Variants in VPS13A observed in about 807,000 individuals in gnomAD.
VPS13A encodes the protein intermembrane lipid transfer protein VPS13A.
VPS13A carries 264 observed loss-of-function variants against 390.9 expected under a neutral mutation model. The ratio of observed to expected loss-of-function variants is 0.68; its 90% CI spans 0.61 to 0.75. The LOEUF (loss-of-function observed/expected upper bound fraction) is 0.75. VPS13A is among the 30% of genes least tolerant of loss of function. VPS13A has a pLI of 0.00. For synonymous variants in VPS13A, 1,231 were observed against 1,227.1 expected, an observed-to-expected ratio of 1.00 and a Z score of -0.07; for missense variants, 3,409 against 3,733.9, an observed-to-expected ratio of 0.91 and a Z score of 2.27.
chr9:77,379,065 C>CTTTTTTT lies in VPS13A; in HGVS notation c.9078-2893_9078-2887dup, dbSNP rs71503211. Among the ~76,000 whole-genome samples the CTTTTTTT allele has an allele frequency of 5.1e-4, 37 of 72,410 alleles. 2 individuals are homozygous for CTTTTTTT. The highest frequency in any genetic ancestry group is 7.8e-4 in the African/African-American group (13 of 16,682). The allele number at this position is 72,410 out of a possible 152,430, so 47.5% of individuals were successfully genotyped here. ...GTATCATACTTGTATATTTTCAGTC[C>CTTTTTTT]TTTTTTTTTTTTTTTTTTTTTTTTG... is the stretch of plus-strand genomic sequence containing the variant. On this transcript the variant is annotated intron_variant, in intron 67 of 71. Transcript: ENST00000360280.
chr9:77,352,700 A>G (rs1042016433), intron 53 of VPS13A, among the ~76,000 whole-genome samples: 3 of 152,152 alleles, frequency 2.0e-5, no homozygotes, highest in African/African-American at 7.2e-5. Flanking sequence ...ATACATATAT[A>G]TACTTAGAAA....
Position 77,353,437 on chromosome 9 carries a change from A to G in VPS13A, c.7448A>G (p.Glu2483Gly), listed in dbSNP as rs749586115. 2.5e-5 allele frequency: 40 copies of G among 1,600,982 alleles called. No individual in the cohort carries two copies. Among genetic ancestry groups the G allele is most frequent in the Non-Finnish European group, 3.3e-5 (39 of 1,175,614 alleles). Residue 2483 changes from glutamate to glycine, a missense_variant, in exon 54 of 72, where the codon GAA (glutamate) becomes GGA (glycine). This residue lies in a region of VPS13A where 2,717 missense variants were observed against 2,917.4 expected (regional missense o/e 0.93). Transcript: ENST00000360280. ...DDMMMPIDLG[E>G]KTIYLVSFFE... Reference sequence around the variant, plus strand: ...ATGATGATGCCTATAGATTTGGGGGAAAAGACAATATATTTAGTTTCATTC... The same window carrying G: ...ATGATGATGCCTATAGATTTGGGGGGAAAGACAATATATTTAGTTTCATTC...
At chr9:77,282,384 G>C in intron 29 of VPS13A, 110 bp downstream of exon 29, 1 of 1,028,198 alleles carries the variant, frequency 9.7e-7, no homozygotes, top group Admixed American at 2.6e-5. Context: ...TCAGAATTCT[G>C]TTGCCTAGGT....
chr9:77,193,345 A>G (rs1824795162), intron 1 of VPS13A, among the ~76,000 whole-genome samples: 1 of 152,146 alleles, frequency 6.6e-6, no homozygotes. Flanking sequence ...ATTAAGAACC[A>G]TCACTAGGCT....
intron 23 of VPS13A, among the ~76,000 whole-genome samples, chr9:77,272,090 C>T (rs1826383583): frequency 6.6e-6 from 1 of 152,080 alleles, no homozygotes; most frequent in African/African-American, 2.4e-5. Flanking sequence ...AGCAGAATTT[C>T]ACAGAATGGC....
intron 69 of VPS13A, 81 bp from the exon 70 acceptor site, chr9:77,405,783 C>A (rs1338067952): frequency 6.4e-7 from 1 of 1,561,840 alleles, no homozygotes; most frequent in Non-Finnish European, 8.7e-7. Context: ...TTTGCACTTG[C>A]GATTCATTCG....
intron 40 of VPS13A, 136 bp downstream of exon 40, chr9:77,317,834 T>C: frequency 1.8e-6 from 1 of 548,858 alleles, no homozygotes; most frequent in Admixed American, 3.5e-5. Flanking sequence ...TTTTATGAGA[T>C]ATTTACAAAG....
At chr9:77,202,508 C>T (rs1825389424) in intron 3 of VPS13A, among the ~76,000 whole-genome samples, 1 of 151,906 alleles carries the variant, frequency 6.6e-6, no homozygotes, top group South Asian at 2.1e-4. Flanking sequence ...CATAATAATC[C>T]AGTGAATGCA....
chr9:77,351,247 A>G lies in VPS13A; in HGVS notation c.7290-70A>G, dbSNP rs1217357017. ...GTGAACTAAGAATTAATGAAGTATT[A>G]TTTTAGTTTTTTTTTAATCTCTTCG... On this transcript the variant is annotated intron_variant, in intron 52 of 71. Transcript: ENST00000360280. 1.9e-6 allele frequency: 3 copies of G among 1,575,680 alleles called. No individual in the cohort carries two copies. In the African/African-American group the frequency reaches 4.1e-5, roughly 21 times the overall value.
At position 77,382,010 on chromosome 9, in the gene VPS13A, C is replaced by T; in HGVS notation, c.9112C>T (p.Pro3038Ser). The T allele has an allele frequency of 1.2e-6, 2 of 1,607,164 alleles. No individual in the cohort carries two copies. Among genetic ancestry groups the T allele is most frequent in the Non-Finnish European group, 1.7e-6 (2 of 1,176,370 alleles). ...TETSEVESLR[P>S]PRFFNEDGVI... ...GACTTCTGAAGTGGAGAGTCTGCGACCTCCTCGGTTCTTCAATGAAGATGG... is the reference window on the plus strand; with the variant it reads ...GACTTCTGAAGTGGAGAGTCTGCGATCTCCTCGGTTCTTCAATGAAGATGG... Residue 3038 changes from proline (P) to serine (S), a missense_variant, in exon 68 of 72, where the codon CCT (proline) becomes TCT (serine). By Grantham distance (74) the Pro-to-Ser change is moderately conservative. Transcript: ENST00000360280.
chr9:77,215,480 G>A (rs73651499), intron 10 of VPS13A, among the ~76,000 whole-genome samples: 2,165 of 152,230 alleles, frequency 0.014, 51 homozygotes, highest in African/African-American at 0.05. Context: ...ATCCATAATC[G>A]TAAATTCGAC....
rs1825673435 is a variant in VPS13A, at chr9:77,260,146, A to G, written c.2349A>G (p.Gln783=). The change falls in exon 23 of 72, where the codon CAA becomes CAG. Residue 783 remains glutamine (Q), a synonymous_variant. Transcript: ENST00000360280. ...ISLRISDKKL[Q]GIMELIESIP... is the part of the protein sequence containing the mutation. ...TACGAATCTCAGATAAAAAACTACA[A>G]GGGATTATGGAATTGATTGAAAGCA... 2 of 1,600,656 alleles carry G rather than the reference A, an allele frequency of 1.2e-6. No individual in the cohort carries two copies. The highest frequency in any genetic ancestry group is 1.7e-5 in the Admixed American group (1 of 59,928).
chr9:77,206,101 A>G, intron 5 of VPS13A, 22 bp downstream of exon 5: 1 of 1,465,864 alleles, frequency 6.8e-7, no homozygotes, highest in Non-Finnish European at 9.4e-7. Context: ...AGTAAATAAC[A>G]ATGCTAATAA....
chr9:77,397,625 T>C (rs1432337083), intron 68 of VPS13A, among the ~76,000 whole-genome samples: 3 of 152,224 alleles, frequency 2.0e-5, no homozygotes, highest in Non-Finnish European at 4.4e-5. Context: ...AGTGTCTCTG[T>C]TACCATGGCT....
intron 65 of VPS13A, 46 bp downstream of exon 65, chr9:77,370,624 A>C (rs1203303516): frequency 6.2e-7 from 1 of 1,611,328 alleles, no homozygotes; most frequent in Non-Finnish European, 8.5e-7. Flanking sequence ...AATATCTTTT[A>C]AACAAACCTA....
rs1823706299 is a variant in VPS13A at position 77,177,570 on chromosome 9, T to G, written c.-135T>G. On this transcript the variant is annotated 5_prime_UTR_variant, in exon 1 of 72. Transcript: ENST00000360280. ...TCGCTGGGCTCGCTAGGGCTGCGCGTTGGGCCAGCGGGGGCGCCGCAGCTG... is the reference window on the plus strand; with the variant it reads ...TCGCTGGGCTCGCTAGGGCTGCGCGGTGGGCCAGCGGGGGCGCCGCAGCTG... The G allele has an allele frequency of 2.6e-6, 2 of 771,844 alleles. No individual in the cohort carries two copies. Among genetic ancestry groups the G allele is most frequent in the Admixed American group, 2.0e-5 (1 of 49,192 alleles). 47.8% of individuals were successfully genotyped at this position (771,844 alleles called of 1,614,324 possible).
intron 69 of VPS13A, 24 bp from the exon 70 acceptor site, chr9:77,405,838 TTC>T: frequency 6.2e-7 from 1 of 1,611,706 alleles, no homozygotes; most frequent in Non-Finnish European, 8.5e-7. Flanking sequence ...TTAAAGCGAA[TTC>T]TTTTTTTGTT....
chr9:77,201,200 A>G (rs1825312585), intron 2 of VPS13A, among the ~76,000 whole-genome samples, 165 bp from the exon 3 acceptor site: 1 of 152,136 alleles, frequency 6.6e-6, no homozygotes, highest in Admixed American at 6.5e-5. Flanking sequence ...TGATAGTAAT[A>G]TTGCAGTTAT....
chr9:77,348,921 T>A (rs1462076085), intron 52 of VPS13A, among the ~76,000 whole-genome samples: 2 of 152,322 alleles, frequency 1.3e-5, no homozygotes, highest in Middle Eastern at 3.4e-3. Flanking sequence ...AGAGCATTTT[T>A]AAATATTTTT....
Sources: gnomAD v4.1 joint callset for allele counts (sites outside exome capture counted in the v4.1 genomes callset) on GRCh38, gnomAD v4.1.1 for gene constraint, gnomAD v4.1.1 regional missense constraint, MANE v1.5 for transcripts, NCBI Gene and HGNC (gene_info 2026-07-23, HGNC 2026-07-21) for gene names.